Variants in TAFA3 observed in about 807,000 individuals in gnomAD.
TAFA3 encodes chemokine-like protein TAFA-3.
Under a neutral mutation model 20.7 loss-of-function variants are expected in TAFA3, and 17 were observed. The observed-to-expected ratio is 0.82, with a 90% CI of 0.56 to 1.23. The LOEUF (loss-of-function observed/expected upper bound fraction) is 1.23. Among genes scored for constraint, TAFA3 ranks in the 50% most tolerant of loss-of-function variants. The pLI is 0.00. For synonymous variants in TAFA3, 74 were observed against 71.8 expected (o/e 1.03, Z -0.16); for missense variants, 174 against 172.8 (o/e 1.01, Z -0.04).
intron 3 of TAFA3, among the ~76,000 whole-genome samples, chr1:112,722,606 C>T (rs1038275766): frequency 6.6e-6 from 1 of 152,124 alleles, no homozygotes; most frequent in African/African-American, 2.4e-5. Context: ...TGAGAGAGGC[C>T]CTCGGGTGAG....
chr1:112,725,876 T>A (rs1181910715), intron 5 of TAFA3, among the ~76,000 whole-genome samples: 3 of 152,108 alleles, frequency 2.0e-5, no homozygotes. Flanking sequence ...CGGTGGCTCA[T>A]GCCTGTAATC....
chr1:112,722,204 C>T, intron 2 of TAFA3, 29 bp from the exon 3 acceptor site: 1 of 1,610,844 alleles, frequency 6.2e-7, no homozygotes, highest in Non-Finnish European at 8.5e-7. Context: ...CTGCCTGGAG[C>T]TGAGCAGAAT....
Position 112,722,228 on chromosome 1 carries a change from C to T in TAFA3, c.-1-5C>T, listed in dbSNP as rs747685344. The stretch of plus-strand genomic sequence containing the variant: ...GCTGAGCAGAATGTGTGCTTCTCTC[C>T]GCAGGATGAGTGAGAGGGTCGAGCG... On this transcript the variant is annotated splice_region_variant and splice_polypyrimidine_tract_variant and intron_variant, in intron 2 of 5. Coordinates refer to ENST00000361886, the MANE Select transcript of TAFA3 (RefSeq NM_182759.3). 2.4e-5 allele frequency: 39 copies of T among 1,613,800 alleles called. No homozygotes were observed. Among genetic ancestry groups the T allele is most frequent in the Admixed American group, 2.0e-4 (12 of 60,002 alleles).
intron 4 of TAFA3, among the ~76,000 whole-genome samples, chr1:112,723,504 T>C (rs1457887884): frequency 6.6e-6 from 1 of 152,082 alleles, no homozygotes; most frequent in African/African-American, 2.4e-5. Flanking sequence ...CTCAGCCTAC[T>C]CTCCTCTCCT....
chr1:112,726,810 A>G lies in TAFA3; in HGVS notation c.*170A>G. On this transcript the variant is annotated 3_prime_UTR_variant, in exon 6 of 6. Coordinates refer to ENST00000361886, the MANE Select transcript of TAFA3 (RefSeq NM_182759.3). ...TAAGCTGCTCAGCAGATATGGATGGATCTGCAATCACATACCTAATGTGGA... is the reference window on the plus strand; with the variant it reads ...TAAGCTGCTCAGCAGATATGGATGGGTCTGCAATCACATACCTAATGTGGA... 1.1e-6 allele frequency: 1 copy of G among 949,780 alleles called. No homozygotes were observed. The highest frequency in any genetic ancestry group is 1.6e-6 in the Non-Finnish European group (1 of 621,096). 58.8% of individuals were successfully genotyped at this position (949,780 alleles called of 1,614,324 possible).
intron 4 of TAFA3, 146 bp downstream of exon 4, chr1:112,723,311 G>C: frequency 9.6e-7 from 1 of 1,040,484 alleles, no homozygotes; most frequent in East Asian, 2.7e-5. Context: ...CCCTCTGGGA[G>C]AAGAGGGCAG....
At chr1:112,725,279 A>G (rs549694340) in intron 5 of TAFA3, among the ~76,000 whole-genome samples, 2 of 152,038 alleles carry the variant, frequency 1.3e-5, no homozygotes, top group African/African-American at 4.8e-5. Context: ...ATTGGGTCCT[A>G]TGCTTACTAC....
At chr1:112,725,541 T>G in intron 5 of TAFA3, among the ~76,000 whole-genome samples, 1 of 98,796 alleles carries the variant, frequency 1.0e-5, no homozygotes, top group Non-Finnish European at 2.0e-5. Context: ...CCCCACCCCA[T>G]TCCCACTGTT....
chr1:112,721,731 T>G (rs1354962822), intron 2 of TAFA3, among the ~76,000 whole-genome samples: 1 of 152,238 alleles, frequency 6.6e-6, no homozygotes, highest in Non-Finnish European at 1.5e-5. Context: ...CCCATTGGTT[T>G]TTTTACAGCT....
rs377457161 is a variant in TAFA3, at chr1:112,726,199, C to T, written c.391-430C>T. On this transcript the variant is annotated intron_variant, in intron 5 of 5. Coordinates refer to ENST00000361886, the MANE Select transcript of TAFA3 (RefSeq NM_182759.3). Reference sequence around the variant, plus strand: ...GGCAGCCTTTGGCTTCTGAAGAGAGCAACCATTTTCACAGAGCACACAACA... The same window carrying T: ...GGCAGCCTTTGGCTTCTGAAGAGAGTAACCATTTTCACAGAGCACACAACA... Among the ~76,000 whole-genome samples the T allele has an allele frequency of 1.3e-4, 20 of 152,214 alleles. No homozygotes were observed. In the East Asian group the frequency reaches 2.1e-3, roughly 16 times the overall value.
At chr1:112,723,521 C>A (rs1015723056) in intron 4 of TAFA3, among the ~76,000 whole-genome samples, 1 of 152,128 alleles carries the variant, frequency 6.6e-6, no homozygotes, top group Non-Finnish European at 1.5e-5. Flanking sequence ...TCCTTCTCAG[C>A]CCTTCTCTCA....
chr1:112,725,131 C>T (rs753217410), intron 5 of TAFA3, among the ~76,000 whole-genome samples: 10 of 152,054 alleles, frequency 6.6e-5, no homozygotes, highest in Non-Finnish European at 1.3e-4. Context: ...AGCATGGCAA[C>T]GGAAAATCAA....
rs746997565 is a variant in TAFA3, at chr1:112,723,086, G to A, written c.186G>A (p.Glu62=). ...GCTGCAACCGGAACCGCATCGAGGA[G>A]CGCTCCCAGACGGTGAAATGCTCCT... The part of the protein sequence containing the change: ...HRCCNRNRIE[E]RSQTVKCSCF... The change falls in exon 4 of 6, where the codon GAG becomes GAA. Residue 62 remains glutamate (E), a synonymous_variant. Coordinates refer to ENST00000361886, the MANE Select transcript of TAFA3 (RefSeq NM_182759.3). 1 of 1,613,252 alleles carries A rather than the reference G, an allele frequency of 6.2e-7. No individual in the cohort carries two copies. Among genetic ancestry groups the A allele is most frequent in the African/African-American group, 1.3e-5 (1 of 75,056 alleles).
At chr1:112,723,797 A>G in intron 4 of TAFA3, 1 of 825,296 alleles carries the variant, frequency 1.2e-6, no homozygotes, top group Non-Finnish European at 1.9e-6. Flanking sequence ...GGGGAGATGC[A>G]GGGATCGGTG....
chr1:112,724,086 G>C lies in TAFA3; in HGVS notation c.339G>C (p.Pro113=). The part of the protein sequence containing the change: ...CLPGEECKVL[P]DLSGWSCSSG... ...CGGGGGAGGAGTGTAAGGTGCTCCC[G>C]GACCTGTCGGGATGGAGCTGCAGCA... is the stretch of plus-strand genomic sequence containing the variant. Residue 113 remains proline (P), a synonymous_variant, in exon 5 of 6, where the codon CCG becomes CCC. Transcript: ENST00000361886. 1 of 1,613,314 alleles carries C rather than the reference G, an allele frequency of 6.2e-7. No individual in the cohort carries two copies. Among genetic ancestry groups the C allele is most frequent in the Non-Finnish European group, 8.5e-7 (1 of 1,179,848 alleles).
chr1:112,722,960 C>T, intron 3 of TAFA3, 56 bp from the exon 4 acceptor site: 1 of 1,080,120 alleles, frequency 9.3e-7, no homozygotes, highest in Non-Finnish European at 1.3e-6. Flanking sequence ...CCCGGGTGGG[C>T]GGGAGGGAGC....
chr1:112,723,830 G>C, intron 4 of TAFA3, 183 bp from the exon 5 acceptor site: 2 of 1,177,970 alleles, frequency 1.7e-6, no homozygotes, highest in Non-Finnish European at 2.4e-6. Flanking sequence ...AGAGGGTTAC[G>C]TCCCCAGGCC....
intron 1 of TAFA3, chr1:112,720,334 C>G (rs1315788588): frequency 6.6e-6 from 1 of 152,362 alleles, no homozygotes; most frequent in Non-Finnish European, 1.5e-5. Flanking sequence ...GAGAAACTCC[C>G]TCAGGCCACC....
rs753219358 is a variant in TAFA3, at chr1:112,726,714, C to T, written c.*74C>T. On this transcript the variant is annotated 3_prime_UTR_variant, in exon 6 of 6. Transcript: ENST00000361886. ...CTGAAGAATGGTATCCAGTCATCAG[C>T]CAGGAAAGATGGGGATTCACTTACA... 10 of 1,610,952 alleles carry T rather than the reference C, an allele frequency of 6.2e-6. 1 individual carries two copies. The East Asian group carries it at 2.2e-4, about 36-fold the overall frequency.
Sources: allele counts gnomAD v4.1 joint callset (sites outside exome capture counted in the v4.1 genomes callset), GRCh38; gene constraint gnomAD v4.1.1; transcripts MANE v1.5; gene names NCBI Gene and HGNC (gene_info 2026-07-23, HGNC 2026-07-21).